BARD1: variants seen among roughly 807,000 people sequenced by gnomAD.
BARD1 encodes BRCA1-associated RING domain protein 1.
A neutral mutation model predicts 77.0 loss-of-function variants in BARD1; 73 were observed. The observed-to-expected ratio is 0.95, with a 90% CI of 0.79 to 1.15. The LOEUF (loss-of-function observed/expected upper bound fraction) is 1.15, where lower values mean the gene tolerates loss of function less well. Ranked by LOEUF, BARD1 falls within the 50% of genes most tolerant of loss-of-function variation. The pLI, the probability that BARD1 is intolerant of heterozygous loss-of-function variation, is 0.00. For missense variants in BARD1, 993 were observed against 938.8 expected, an observed-to-expected ratio of 1.06 and a Z score of -0.75; for synonymous variants, 384 against 338.0, an observed-to-expected ratio of 1.14 and a Z score of -1.49.
At chr2:214,729,092 T>C in intron 10 of BARD1, 84 bp from the exon 11 acceptor site, 1 of 1,404,144 alleles carries the variant, frequency 7.1e-7, no homozygotes, top group Non-Finnish European at 9.9e-7. Flanking sequence ...AAAATAAAAA[T>C]ACAAGTTGAA....
intron 9 of BARD1, among the ~76,000 whole-genome samples, chr2:214,744,261 G>A (rs1311188272): frequency 6.6e-6 from 1 of 152,164 alleles, no homozygotes; most frequent in Non-Finnish European, 1.5e-5. Context: ...TTCAGTGGAG[G>A]TTGAGATAGC....
In BARD1 at chr2:214,747,365, C is replaced by T. The variant is rs1227598636; in HGVS notation, c.1678-1511G>A. Among the ~76,000 whole-genome samples, 11 of 141,448 alleles carry T rather than the reference C, an allele frequency of 7.8e-5. No homozygotes were observed. The East Asian group carries it at 2.4e-3, about 30-fold the overall frequency. The allele number at this position is 141,448 out of a possible 152,430, so 92.8% of individuals were successfully genotyped here. A position where few individuals can be genotyped will look rare whatever the true frequency, so the allele number is the denominator to read the frequency against. On this transcript the variant is annotated intron_variant, in intron 7 of 10. Coordinates refer to ENST00000260947, the MANE Select transcript of BARD1 (RefSeq NM_000465.4). ...GCCATCCCATTACTGGGTATATACC[C>T]AAAGGATTATAAATCGTGCTGCTAT...
At chr2:214,749,963 G>C (rs1693328422) in intron 7 of BARD1, among the ~76,000 whole-genome samples, 1 of 151,864 alleles carries the variant, frequency 6.6e-6, no homozygotes, top group Non-Finnish European at 1.5e-5. Context: ...GAAGACATAG[G>C]GTTTTCAAGA....
At chr2:214,765,771 A>C (rs1353159259) in intron 6 of BARD1, among the ~76,000 whole-genome samples, 2 of 151,828 alleles carry the variant, frequency 1.3e-5, no homozygotes, top group South Asian at 2.1e-4. Flanking sequence ...CACACACACA[A>C]ATAAAAACCG....
At chr2:214,754,082 C>A (rs943019982) in intron 6 of BARD1, among the ~76,000 whole-genome samples, 1 of 152,102 alleles carries the variant, frequency 6.6e-6, no homozygotes, top group Non-Finnish European at 1.5e-5. Context: ...CTAATTCATT[C>A]TCTAAATTAT....
intron 9 of BARD1, among the ~76,000 whole-genome samples, chr2:214,744,492 G>A (rs954262148): frequency 6.6e-5 from 10 of 152,070 alleles, no homozygotes. Flanking sequence ...AATCGCTTAG[G>A]CTTAAAAGTA....
chr2:214,802,035 G>C (rs1041745955), intron 1 of BARD1, among the ~76,000 whole-genome samples: 1 of 152,102 alleles, frequency 6.6e-6, no homozygotes, highest in Non-Finnish European at 1.5e-5. Context: ...ATTTTTTGTA[G>C]AGGTGGGGTT....
intron 2 of BARD1, 72 bp downstream of exon 2, chr2:214,796,989 C>A: frequency 1.7e-6 from 2 of 1,182,014 alleles, no homozygotes; most frequent in Non-Finnish European, 1.3e-6. Flanking sequence ...CCATTATTAT[C>A]AACAAGATTA....
At chr2:214,790,061 A>T (rs547160373) in intron 3 of BARD1, among the ~76,000 whole-genome samples, 2 of 152,134 alleles carry the variant, frequency 1.3e-5, no homozygotes, top group African/African-American at 4.8e-5. Flanking sequence ...ATATGAAGAA[A>T]GCATTTCATA....
At chr2:214,751,606 TAAGA>T (rs918627483) in intron 7 of BARD1, among the ~76,000 whole-genome samples, 17 of 152,204 alleles carry the variant, frequency 1.1e-4, no homozygotes, top group African/African-American at 4.1e-4. Context: ...TATGGGTTCC[TAAGA>T]AACAGGCATT....
intron 4 of BARD1, among the ~76,000 whole-genome samples, chr2:214,771,730 A>G (rs1428806741): frequency 4.6e-5 from 5 of 108,038 alleles, no homozygotes; most frequent in South Asian, 5.0e-4. Flanking sequence ...TCTACCTCAG[A>G]AAAAAAAAAA....
At chr2:214,777,848 T>G (rs1694801812) in intron 4 of BARD1, among the ~76,000 whole-genome samples, 1 of 152,224 alleles carries the variant, frequency 6.6e-6, no homozygotes, top group South Asian at 2.1e-4. Context: ...ACACATAGAT[T>G]TATTCATTCT....
At chr2:214,788,464 T>C (rs1695373725) in intron 3 of BARD1, among the ~76,000 whole-genome samples, 1 of 152,098 alleles carries the variant, frequency 6.6e-6, no homozygotes, top group Non-Finnish European at 1.5e-5. Context: ...AAATTAGGCT[T>C]CTTTATCTCC....
rs112477770 is a variant in BARD1 at position 214,776,375 on chromosome 2, G to A, written c.1314+4185C>T. On this transcript the variant is annotated intron_variant, in intron 4 of 10. Coordinates refer to ENST00000260947, the MANE Select transcript of BARD1 (RefSeq NM_000465.4). Reference sequence around the variant, plus strand: ...CAAAAGTAATTGTGGTAATAAATCAGAAGAATAAACAATGAGTATCTTAGT... The same window carrying A: ...CAAAAGTAATTGTGGTAATAAATCAAAAGAATAAACAATGAGTATCTTAGT... 1.3e-3 allele frequency among the ~76,000 whole-genome samples: 198 copies of A among 152,280 alleles called. 2 individuals carry two copies. Among genetic ancestry groups the A allele is most frequent in the African/African-American group, 4.3e-3 (179 of 41,542 alleles).
chr2:214,788,984 A>G (rs73989353), intron 3 of BARD1, among the ~76,000 whole-genome samples: 2,810 of 152,212 alleles, frequency 0.018, 94 homozygotes, highest in African/African-American at 0.063. Flanking sequence ...TTTGGGAAGA[A>G]TTTGGGATGA....
chr2:214,752,116 ATTATT>A lies in BARD1; in HGVS notation c.1677+326_1677+330del, dbSNP rs142860992. On this transcript the variant is annotated intron_variant, in intron 7 of 10. Transcript: ENST00000260947. ...AAACACTCATGTCTAAGTGTCTGAA[ATTATT>A]TTATTTATATTAGTTCAATATTTAC... is the stretch of plus-strand genomic sequence containing the variant. Among the ~76,000 whole-genome samples, 4,539 of 152,278 alleles carry A rather than the reference ATTATT, an allele frequency of 0.03. 89 individuals are homozygous for A. Among genetic ancestry groups the A allele is most frequent in the Non-Finnish European group, 0.041 (2,761 of 68,004 alleles).
intron 6 of BARD1, among the ~76,000 whole-genome samples, chr2:214,764,130 AGT>A (rs1694088026): frequency 6.6e-6 from 1 of 152,246 alleles, no homozygotes; most frequent in Admixed American, 6.5e-5. Flanking sequence ...CAGTAAAGGT[AGT>A]GGCAGAAGGA....
chr2:214,769,022 G>A (rs1416906068), intron 5 of BARD1, among the ~76,000 whole-genome samples: 1 of 152,162 alleles, frequency 6.6e-6, no homozygotes, highest in African/African-American at 2.4e-5. Flanking sequence ...TAAATCTAAA[G>A]GTAGTCTGTC....
intron 6 of BARD1, among the ~76,000 whole-genome samples, chr2:214,753,129 C>T (rs1407390831): frequency 1.3e-5 from 2 of 152,066 alleles, no homozygotes; most frequent in Non-Finnish European, 2.9e-5. Flanking sequence ...TCAGCATGTA[C>T]TAATTCACAA....
Sources: allele counts gnomAD v4.1 joint callset (sites outside exome capture counted in the v4.1 genomes callset), GRCh38; gene constraint gnomAD v4.1.1; transcripts MANE v1.5; gene names NCBI Gene and HGNC (gene_info 2026-07-23, HGNC 2026-07-21).